Variants in DOCK1 observed in about 807,000 individuals in gnomAD.
DOCK1 encodes dedicator of cytokinesis 1.
DOCK1 carries 138 observed loss-of-function variants against 262.7 expected under a neutral mutation model. The observed-to-expected ratio is 0.53, with a 90% confidence interval of 0.46 to 0.61. The LOEUF is 0.61. DOCK1 is among the 20% of genes least tolerant of loss of function. DOCK1 has a pLI of 0.00. For synonymous variants in DOCK1, 866 were observed against 867.4 expected (o/e 1.00, Z 0.03); for missense variants, 1,908 against 2,370.7 (o/e 0.80, Z 4.05).
chr10:127,285,846 A>G (rs2061131852), intron 29 of DOCK1, among the ~76,000 whole-genome samples: 2 of 152,180 alleles, frequency 1.3e-5, no homozygotes, highest in Admixed American at 6.5e-5. Flanking sequence ...TGTCACAGGA[A>G]TCACCTGAAA....
At chr10:126,906,421 G>C (rs565529900) in intron 1 of DOCK1, among the ~76,000 whole-genome samples, 1 of 152,308 alleles carries the variant, frequency 6.6e-6, no homozygotes, top group South Asian at 2.1e-4. Context: ...ACCTCTTCGT[G>C]ATCTGCGCGC....
At chr10:127,077,739 T>C (rs2046655072) in intron 23 of DOCK1, among the ~76,000 whole-genome samples, 1 of 152,162 alleles carries the variant, frequency 6.6e-6, no homozygotes, top group African/African-American at 2.4e-5. Context: ...GGTACATCAC[T>C]GCATCATTGG....
At position 127,294,007 on chromosome 10, in the gene DOCK1, C is replaced by T. The variant is rs545202156; in HGVS notation, c.3044+36578C>T. 3.3e-5 allele frequency among the ~76,000 whole-genome samples: 5 copies of T among 152,276 alleles called. No homozygotes were observed. In the East Asian group the frequency reaches 9.7e-4, roughly 29 times the overall value. On this transcript the variant is annotated intron_variant, in intron 29 of 51. Transcript: ENST00000623213. ...CTCCTTCACTCCTCAGGTGAAGCCA[C>T]CCGGAGCACACCGCGGATATGCAGC...
intron 29 of DOCK1, among the ~76,000 whole-genome samples, chr10:127,337,022 G>A (rs571818803): frequency 2.6e-5 from 4 of 152,208 alleles, no homozygotes; most frequent in Admixed American, 1.3e-4. Context: ...GCTGGAAAGA[G>A]TGTCTTCTTA....
intron 40 of DOCK1, 90 bp from the exon 41 acceptor site, chr10:127,408,947 G>A (rs939711812): frequency 2.2e-5 from 31 of 1,439,684 alleles, no homozygotes; most frequent in African/African-American, 2.9e-5. Flanking sequence ...GTAAGAACCC[G>A]TAAGGCATAT....
intron 2 of DOCK1, among the ~76,000 whole-genome samples, chr10:126,974,865 G>T (rs2038397892): frequency 6.6e-6 from 1 of 152,108 alleles, no homozygotes; most frequent in African/African-American, 2.4e-5. Context: ...AATAGTGCAT[G>T]CCAAAAATCG....
intron 36 of DOCK1, 86 bp from the exon 37 acceptor site, chr10:127,381,192 G>A (rs1317203645): frequency 3.4e-6 from 4 of 1,172,442 alleles, no homozygotes; most frequent in African/African-American, 1.5e-5. Context: ...ATGATTTACT[G>A]TTGAACATAG....
At chr10:127,374,863 C>A (rs1394539226) in intron 35 of DOCK1, among the ~76,000 whole-genome samples, 2 of 152,194 alleles carry the variant, frequency 1.3e-5, no homozygotes, top group East Asian at 1.9e-4. Flanking sequence ...AAGGATCCCC[C>A]CCTAGAGCTT....
intron 29 of DOCK1, among the ~76,000 whole-genome samples, chr10:127,284,777 C>A (rs1442229193): frequency 1.3e-5 from 2 of 151,762 alleles, no homozygotes; most frequent in African/African-American, 4.8e-5. Flanking sequence ...ATCATCATCA[C>A]CTTTTATTCT....
In DOCK1 at chr10:126,987,724, A is replaced by C. The variant is rs563227760; in HGVS notation, c.324+107A>C. On this transcript the variant is annotated intron_variant, in intron 5 of 51. Coordinates refer to ENST00000623213, the MANE Select transcript of DOCK1 (RefSeq NM_001290223.2). ...TTTTCTCAGCGAAACTTAAAAGCAG[A>C]GCTTCCGAGACAGAGTTTTACTCGG... 4 of 1,024,206 alleles carry C rather than the reference A, an allele frequency of 3.9e-6. No individual in the cohort carries two copies. The East Asian group carries it at 1.1e-4, about 27-fold the overall frequency. The allele number at this position is 1,024,206 out of a possible 1,614,324, so 63.4% of individuals were successfully genotyped here. A position where few individuals can be genotyped will look rare whatever the true frequency, so the allele number is the denominator to read the frequency against.
intron 10 of DOCK1, among the ~76,000 whole-genome samples, chr10:127,006,612 G>A (rs939875893): frequency 6.6e-6 from 1 of 152,208 alleles, no homozygotes; most frequent in Admixed American, 6.5e-5. Context: ...CGCGATGAGC[G>A]GTGATGACTG....
intron 7 of DOCK1, 100 bp from the exon 8 acceptor site, chr10:126,997,992 C>G: frequency 1.4e-6 from 2 of 1,470,088 alleles, no homozygotes; most frequent in East Asian, 2.4e-5. Flanking sequence ...TGGGTTATGC[C>G]AATGAGTTAT....
chr10:127,138,733 G>A (rs1374939283), intron 27 of DOCK1, among the ~76,000 whole-genome samples: 1 of 152,182 alleles, frequency 6.6e-6, no homozygotes, highest in Non-Finnish European at 1.5e-5. Context: ...CAAGCACAGA[G>A]CCAATGTGGA....
intron 27 of DOCK1, among the ~76,000 whole-genome samples, chr10:127,238,816 CAAT>C (rs1328853175): frequency 2.6e-5 from 4 of 152,164 alleles, no homozygotes; most frequent in Admixed American, 2.0e-4. Context: ...CTTGGGAACT[CAAT>C]GATGTCAACA....
chr10:127,415,956 C>T (rs893880440), intron 44 of DOCK1, among the ~76,000 whole-genome samples: 6 of 152,236 alleles, frequency 3.9e-5, no homozygotes, highest in Admixed American at 3.9e-4. Context: ...TTTGTTTTCA[C>T]CTGGCAAGAA....
intron 23 of DOCK1, among the ~76,000 whole-genome samples, chr10:127,078,928 T>C (rs1279244867): frequency 6.6e-6 from 1 of 152,234 alleles, no homozygotes; most frequent in Non-Finnish European, 1.5e-5. Context: ...GGTATATTGC[T>C]GTTGTTTTTG....
At chr10:127,377,572 C>T (rs2065571336) in intron 35 of DOCK1, among the ~76,000 whole-genome samples, 1 of 151,966 alleles carries the variant, frequency 6.6e-6, no homozygotes, top group Non-Finnish European at 1.5e-5. Flanking sequence ...GTTGTGTAGG[C>T]TCCTTCATGT....
chr10:127,315,463 G>A (rs961594869), intron 29 of DOCK1, among the ~76,000 whole-genome samples: 4 of 152,128 alleles, frequency 2.6e-5, no homozygotes, highest in Non-Finnish European at 5.9e-5. Context: ...AGGACACGGG[G>A]GGAAGATGAC....
At chr10:127,071,737 G>C (rs891818663) in intron 23 of DOCK1, among the ~76,000 whole-genome samples, 13 of 152,084 alleles carry the variant, frequency 8.5e-5, no homozygotes, top group African/African-American at 3.1e-4. Flanking sequence ...TTTTTCTATT[G>C]TTGAATACTA....
Sources: gnomAD v4.1 joint callset for allele counts (sites outside exome capture counted in the v4.1 genomes callset) on GRCh38, gnomAD v4.1.1 for gene constraint, MANE v1.5 for transcripts, NCBI Gene and HGNC (gene_info 2026-07-23, HGNC 2026-07-21) for gene names.